OMA1: variants seen among roughly 807,000 people sequenced by gnomAD.
OMA1 encodes the protein OMA1 zinc metallopeptidase.
Under a neutral mutation model 30.9 loss-of-function variants are expected in OMA1, and 38 were observed. That is an observed-to-expected ratio of 1.23 (90% CI 0.95 to 1.61). The LOEUF is 1.61. OMA1 is among the 40% of genes most tolerant of loss of function. OMA1 has a pLI of 0.00. For synonymous variants in OMA1, 173 were observed against 121.9 expected, an observed-to-expected ratio of 1.42 and a Z score of -2.76; for missense variants, 461 against 349.2, an observed-to-expected ratio of 1.32 and a Z score of -2.55.
intron 8 of OMA1, among the ~76,000 whole-genome samples, chr1:58,485,951 AAT>A (rs1409502336): frequency 6.6e-6 from 1 of 152,190 alleles, no homozygotes; most frequent in Non-Finnish European, 1.5e-5. Flanking sequence ...TAATAGCAAG[AAT>A]ATATGGTTCT....
At chr1:58,534,759 A>ACC (rs372010587) in intron 3 of OMA1, among the ~76,000 whole-genome samples, 1,661 of 152,302 alleles carry the variant, frequency 0.011, 32 homozygotes, top group African/African-American at 0.038. Context: ...ACATGGTGAA[A>ACC]CCCCGTCTCT....
At chr1:58,539,348 T>C (rs113244424) in intron 1 of OMA1, 38 bp from the exon 2 acceptor site, 2 of 754,856 alleles carry the variant, frequency 2.6e-6, no homozygotes, top group African/African-American at 3.5e-5. Flanking sequence ...CTGTGGAAAA[T>C]ATTTACTTAC....
chr1:58,495,962 T>C (rs1645794179), intron 8 of OMA1, among the ~76,000 whole-genome samples: 1 of 152,202 alleles, frequency 6.6e-6, no homozygotes, highest in African/African-American at 2.4e-5. Flanking sequence ...TAAGTTTAAA[T>C]ATCTAAGCTT....
chr1:58,518,385 AAAG>A (rs1205723581), intron 7 of OMA1, among the ~76,000 whole-genome samples: 1 of 150,110 alleles, frequency 6.7e-6, no homozygotes, highest in Non-Finnish European at 1.5e-5. Context: ...GAAGAAAAGA[AAAG>A]AAAAAAGAAA....
At chr1:58,539,723 A>G (rs557588745) in intron 1 of OMA1, among the ~76,000 whole-genome samples, 1 of 152,342 alleles carries the variant, frequency 6.6e-6, no homozygotes, top group South Asian at 2.1e-4. Context: ...ACATTACGCA[A>G]TGAAGAACAG....
intron 8 of OMA1, among the ~76,000 whole-genome samples, chr1:58,489,065 C>T (rs1052947002): frequency 6.6e-6 from 1 of 152,220 alleles, no homozygotes; most frequent in Admixed American, 6.5e-5. Context: ...GTACTGGGTG[C>T]ATCTCACTGG....
chr1:58,490,541 T>C (rs1645662611), intron 8 of OMA1, among the ~76,000 whole-genome samples: 1 of 152,036 alleles, frequency 6.6e-6, no homozygotes, highest in African/African-American at 2.4e-5. Context: ...CAAGAGAACT[T>C]CCCCAATCTA....
At chr1:58,544,755 G>T (rs745444787) in intron 1 of OMA1, among the ~76,000 whole-genome samples, 1 of 152,060 alleles carries the variant, frequency 6.6e-6, no homozygotes, top group Non-Finnish European at 1.5e-5. Context: ...TACCACATCT[G>T]GCTAATTTTT....
chr1:58,482,185 C>A (rs1645498540), intron 8 of OMA1, among the ~76,000 whole-genome samples: 1 of 152,144 alleles, frequency 6.6e-6, no homozygotes. Flanking sequence ...TGTGTGTGCA[C>A]ATGCACAGGG....
intron 8 of OMA1, among the ~76,000 whole-genome samples, chr1:58,489,731 C>T (rs1437902358): frequency 1.3e-5 from 2 of 152,188 alleles, no homozygotes; most frequent in Non-Finnish European, 2.9e-5. Context: ...CCGGGTACTC[C>T]TCTGAGACAA....
At chr1:58,518,106 A>C (rs547614123) in intron 7 of OMA1, among the ~76,000 whole-genome samples, 2 of 150,524 alleles carry the variant, frequency 1.3e-5, no homozygotes, top group South Asian at 2.1e-4. Flanking sequence ...GAATCGCTTG[A>C]ACACAGGAGG....
intron 8 of OMA1, among the ~76,000 whole-genome samples, chr1:58,500,663 T>C (rs1437368310): frequency 6.6e-6 from 1 of 152,170 alleles, no homozygotes; most frequent in Non-Finnish European, 1.5e-5. Flanking sequence ...TATATCCTAT[T>C]CAAATTATGA....
chr1:58,544,999 T>C (rs1407318260), intron 1 of OMA1, among the ~76,000 whole-genome samples: 3 of 152,182 alleles, frequency 2.0e-5, no homozygotes, highest in Admixed American at 2.0e-4. Context: ...CACTGCGAAG[T>C]GTTGGGATTA....
At chr1:58,493,204 C>T (rs1645731318) in intron 8 of OMA1, among the ~76,000 whole-genome samples, 1 of 152,002 alleles carries the variant, frequency 6.6e-6, no homozygotes, top group African/African-American at 2.4e-5. Flanking sequence ...AGGCCTTTGA[C>T]AAAATTCAAC....
At chr1:58,481,338 T>A (rs545977490) in intron 8 of OMA1, among the ~76,000 whole-genome samples, 164 bp from the exon 9 acceptor site, 1 of 152,170 alleles carries the variant, frequency 6.6e-6, no homozygotes, top group East Asian at 1.9e-4. Context: ...CACTGAAAAA[T>A]CTACAGTGAA....
At chr1:58,493,156 C>T (rs925319583) in intron 8 of OMA1, among the ~76,000 whole-genome samples, 12 of 152,118 alleles carry the variant, frequency 7.9e-5, no homozygotes, top group South Asian at 4.2e-4. Flanking sequence ...ACAGAACCAA[C>T]GAGAAAAACC....
rs551272966 is a variant in OMA1 at position 58,538,731 on chromosome 1, G to A, written c.500+64C>T. 23 of 682,288 alleles carry A rather than the reference G, an allele frequency of 3.4e-5. No individual in the cohort carries two copies. The East Asian group carries it at 4.4e-4, about 13-fold the overall frequency. The allele number at this position is 682,288 out of a possible 1,614,324, so 42.3% of individuals were successfully genotyped here. On this transcript the variant is annotated intron_variant, in intron 2 of 8. Transcript: ENST00000371226. ...AAAATTAATTTCTAAAAGTTAATACGTTAGCACAAAATATTAATGCAAAAA... is the reference window on the plus strand; with the variant it reads ...AAAATTAATTTCTAAAAGTTAATACATTAGCACAAAATATTAATGCAAAAA...
At chr1:58,487,671 C>A (rs1292719890) in intron 8 of OMA1, among the ~76,000 whole-genome samples, 1 of 152,046 alleles carries the variant, frequency 6.6e-6, no homozygotes, top group African/African-American at 2.4e-5. Context: ...TTTATTTATA[C>A]CTTACTTCTT....
chr1:58,484,376 C>A (rs1345403586), intron 8 of OMA1, among the ~76,000 whole-genome samples: 1 of 152,174 alleles, frequency 6.6e-6, no homozygotes, highest in Non-Finnish European at 1.5e-5. Flanking sequence ...GTAGATTATA[C>A]TTTTTGTTAT....
Sources: gnomAD v4.1 joint callset for allele counts (sites outside exome capture counted in the v4.1 genomes callset) on GRCh38, gnomAD v4.1.1 for gene constraint, MANE v1.5 for transcripts, NCBI Gene and HGNC (gene_info 2026-07-23, HGNC 2026-07-21) for gene names.